The following PKD2 variants were observed in gnomAD, a reference collection of about 807,000 sequenced individuals.
PKD2 encodes polycystin-2.
A neutral mutation model predicts 105.9 loss-of-function variants in PKD2; 48 were observed. The ratio of observed to expected loss-of-function variants is 0.45; its 90% confidence interval spans 0.36 to 0.58. The LOEUF (loss-of-function observed/expected upper bound fraction) is 0.58, where lower values mean the gene tolerates loss of function less well. Ranked by LOEUF, PKD2 falls within the 20% of genes least tolerant of loss-of-function variation. PKD2 has a pLI of 0.00. For missense variants in PKD2, 1,078 were observed against 1,255.3 expected, an observed-to-expected ratio of 0.86 and a Z score of 2.13; for synonymous variants, 464 against 481.1, an observed-to-expected ratio of 0.96 and a Z score of 0.46.
At chr4:88,072,926 C>T (rs2110148202) in intron 13 of PKD2, among the ~76,000 whole-genome samples, 1 of 151,386 alleles carries the variant, frequency 6.6e-6, no homozygotes, top group South Asian at 2.1e-4. Flanking sequence ...ATCCCAGCTA[C>T]TCGGGAGCCT....
chr4:88,058,262 A>G (rs2110129856), intron 9 of PKD2, among the ~76,000 whole-genome samples, 159 bp downstream of exon 9: 1 of 152,278 alleles, frequency 6.6e-6, no homozygotes, highest in South Asian at 2.1e-4. Flanking sequence ...TTATTAATTC[A>G]CAGTTTTGAG....
At chr4:88,055,352 T>C (rs1311761987) in intron 7 of PKD2, among the ~76,000 whole-genome samples, 1 of 152,156 alleles carries the variant, frequency 6.6e-6, no homozygotes, top group Non-Finnish European at 1.5e-5. Context: ...TGTGTGAAGT[T>C]TTTTCCCTCC....
At chr4:88,025,284 T>C (rs1578122291) in intron 2 of PKD2, among the ~76,000 whole-genome samples, 1 of 151,704 alleles carries the variant, frequency 6.6e-6, no homozygotes, top group Non-Finnish European at 1.5e-5. Flanking sequence ...ATAGCAAGAC[T>C]TTGTCTCTAT....
chr4:88,058,203 G>T, intron 9 of PKD2, 100 bp downstream of exon 9: 1 of 773,624 alleles, frequency 1.3e-6, no homozygotes. Flanking sequence ...TTTAAATAAA[G>T]ACCCAGGAAG....
chr4:88,041,485 G>A (rs1386585535), intron 4 of PKD2, among the ~76,000 whole-genome samples: 1 of 152,176 alleles, frequency 6.6e-6, no homozygotes, highest in Non-Finnish European at 1.5e-5. Flanking sequence ...AAGGCACATG[G>A]CAATATCTGG....
chr4:88,015,224 A>C (rs2110085769), intron 1 of PKD2, among the ~76,000 whole-genome samples: 1 of 152,356 alleles, frequency 6.6e-6, no homozygotes, highest in African/African-American at 2.4e-5. Flanking sequence ...ACTGGGCCGC[A>C]GAGCAGGAGG....
chr4:88,020,775 G>A (rs1423200201), intron 2 of PKD2, among the ~76,000 whole-genome samples: 1 of 150,382 alleles, frequency 6.6e-6, no homozygotes, highest in Non-Finnish European at 1.5e-5. Context: ...CTGCAGCCTC[G>A]AGCTCCTAGG....
rs116152401 is a variant in PKD2 at position 88,018,498 on chromosome 4, C to T, written c.596-960C>T. Among the ~76,000 whole-genome samples the T allele has an allele frequency of 2.4e-3, 362 of 152,238 alleles. 1 individual carries two copies. The highest frequency in any genetic ancestry group is 8.3e-3 in the African/African-American group (346 of 41,514). ...AACATGCAAGGACCAGGTTGGTTTC[C>T]ATTTAACAGCCAACCTAATCTAACT... On this transcript the variant is annotated intron_variant, in intron 1 of 14. Transcript: ENST00000237596.
chr4:88,059,737 A>G (rs1578143742), intron 9 of PKD2, among the ~76,000 whole-genome samples: 1 of 143,692 alleles, frequency 7.0e-6, no homozygotes, highest in Admixed American at 7.3e-5. Flanking sequence ...GGATAGATAC[A>G]TACATACGTA....
intron 4 of PKD2, among the ~76,000 whole-genome samples, chr4:88,039,355 C>T (rs1727466495): frequency 6.6e-6 from 1 of 152,076 alleles, no homozygotes; most frequent in Non-Finnish European, 1.5e-5. Context: ...TACCAGAACC[C>T]ATAAGAAACA....
chr4:88,034,026 G>A (rs562096663), intron 2 of PKD2, among the ~76,000 whole-genome samples: 7 of 152,246 alleles, frequency 4.6e-5, no homozygotes, highest in East Asian at 1.9e-4. Context: ...CAGAGATCAC[G>A]TCTTGTTCAT....
chr4:88,015,039 T>C (rs1726512757), intron 1 of PKD2, among the ~76,000 whole-genome samples: 2 of 152,242 alleles, frequency 1.3e-5, no homozygotes, highest in South Asian at 4.1e-4. Context: ...GCACCATGCC[T>C]TGATAATAGG....
intron 7 of PKD2, among the ~76,000 whole-genome samples, chr4:88,053,086 A>G (rs920992900): frequency 4.6e-5 from 7 of 152,190 alleles, no homozygotes; most frequent in African/African-American, 1.7e-4. Flanking sequence ...TCACCAGCAC[A>G]GGCTCTGATT....
At chr4:88,024,481 A>G (rs1277946317) in intron 2 of PKD2, among the ~76,000 whole-genome samples, 2 of 130,744 alleles carry the variant, frequency 1.5e-5, no homozygotes, top group African/African-American at 3.0e-5. Context: ...AAAAAAAAAA[A>G]AGAAAGAAAG....
Position 88,007,840 on chromosome 4 carries a change from T to C in PKD2, c.107T>C (p.Val36Ala). The change falls in exon 1 of 15, where the codon GTG becomes GCG. Residue 36 changes from valine to alanine, a missense_variant. Val to Ala is a moderately conservative substitution (Grantham distance 64). This residue lies in a region of PKD2 where 210 missense variants were observed against 187.9 expected (regional missense o/e 1.12). Coordinates refer to ENST00000237596, the MANE Select transcript of PKD2 (RefSeq NM_000297.4). ...CGGCTGATGGCTGGCTGCGCGGCCGTGGGCGCCAGCCTCGCCGCCCCGGGC... is the reference window on the plus strand; with the variant it reads ...CGGCTGATGGCTGGCTGCGCGGCCGCGGGCGCCAGCCTCGCCGCCCCGGGC... ...PGRLMAGCAA[V>A]GASLAAPGGL... 8.3e-7 allele frequency: 1 copy of C among 1,205,984 alleles called. No individual in the cohort carries two copies. The highest frequency in any genetic ancestry group is 3.8e-5 in the South Asian group (1 of 26,050). The allele number at this position is 1,205,984 out of a possible 1,614,324, so 74.7% of individuals were successfully genotyped here.
At chr4:88,069,254 T>C (rs1264691384) in intron 13 of PKD2, among the ~76,000 whole-genome samples, 2 of 152,144 alleles carry the variant, frequency 1.3e-5, no homozygotes, top group Non-Finnish European at 2.9e-5. Flanking sequence ...TTTGACAATT[T>C]CTGTTTTTGA....
At chr4:88,035,835 A>G (rs1727311974) in intron 2 of PKD2, among the ~76,000 whole-genome samples, 3 of 152,180 alleles carry the variant, frequency 2.0e-5, no homozygotes, top group South Asian at 2.1e-4. Flanking sequence ...GGAGCCCAGC[A>G]TATAGCTGTG....
At chr4:88,017,324 A>G (rs1406469497) in intron 1 of PKD2, among the ~76,000 whole-genome samples, 1 of 152,246 alleles carries the variant, frequency 6.6e-6, no homozygotes, top group African/African-American at 2.4e-5. Context: ...ATACATACAT[A>G]CATAAGAAGA....
At chr4:88,030,711 C>T (rs1727116290) in intron 2 of PKD2, among the ~76,000 whole-genome samples, 1 of 152,222 alleles carries the variant, frequency 6.6e-6, no homozygotes, top group African/African-American at 2.4e-5. Context: ...CATTCGGGCC[C>T]ACCTCTTCAC....
Sources: allele counts gnomAD v4.1 joint callset (sites outside exome capture counted in the v4.1 genomes callset), GRCh38; gene constraint gnomAD v4.1.1; regional missense constraint gnomAD v4.1.1; transcripts MANE v1.5; gene names NCBI Gene and HGNC (gene_info 2026-07-23, HGNC 2026-07-21).